CHIC2: variants seen among roughly 807,000 people sequenced by gnomAD.
CHIC2 encodes the protein cysteine-rich hydrophobic domain-containing protein 2.
A neutral mutation model predicts 25.9 loss-of-function variants in CHIC2; 14 were observed. That is an observed-to-expected ratio of 0.54 (90% CI 0.36 to 0.85). The LOEUF (loss-of-function observed/expected upper bound fraction) is 0.85. Among genes scored for constraint, CHIC2 ranks in the 40% least tolerant of loss-of-function variants. CHIC2 has a pLI of 0.01. For synonymous variants in CHIC2, 70 were observed against 72.0 expected (o/e 0.97, Z 0.14); for missense variants, 146 against 202.0 (o/e 0.72, Z 1.68).
intron 1 of CHIC2, chr4:54,061,178 A>T (rs1413014294): frequency 6.6e-6 from 1 of 152,168 alleles, no homozygotes; most frequent in Non-Finnish European, 1.5e-5. Flanking sequence ...GACTTTAGGC[A>T]AATTAAACAT....
the CHIC2 span, among the ~76,000 whole-genome samples, chr4:54,071,882 A>G: frequency 6.6e-6 from 1 of 152,192 alleles, no homozygotes; most frequent in Non-Finnish European, 1.5e-5. Flanking sequence ...CCATGTGTAC[A>G]CATTTGGTTC....
chr4:54,089,456 C>CA, the CHIC2 span, among the ~76,000 whole-genome samples: 1 of 150,262 alleles, frequency 6.7e-6, no homozygotes, highest in South Asian at 2.1e-4. Context: ...ATCAAAATAT[C>CA]AAAAAATGTT....
intron 3 of CHIC2, among the ~76,000 whole-genome samples, chr4:54,017,678 A>T (rs1006808750): frequency 1.3e-5 from 2 of 152,194 alleles, no homozygotes; most frequent in African/African-American, 2.4e-5. Flanking sequence ...GACCAAGACC[A>T]CCAACTCACA....
the CHIC2 span, among the ~76,000 whole-genome samples, chr4:54,090,465 A>G: frequency 6.6e-6 from 1 of 152,208 alleles, no homozygotes; most frequent in South Asian, 2.1e-4. Context: ...GATTATTGAC[A>G]TGAGCCACCA....
the CHIC2 span, among the ~76,000 whole-genome samples, chr4:54,089,392 C>CAT: frequency 0.12 from 18,110 of 144,972 alleles, 1,084 homozygotes; most frequent in Non-Finnish European, 0.15. Context: ...CACCACATTC[C>CAT]ATATATATAT....
the CHIC2 span, among the ~76,000 whole-genome samples, chr4:54,069,623 C>T: frequency 6.6e-6 from 1 of 152,208 alleles, no homozygotes. Flanking sequence ...GATCAGCTCT[C>T]ATCCTGAAGC....
intron 1 of CHIC2, among the ~76,000 whole-genome samples, chr4:54,058,514 A>G (rs979089785): frequency 3.3e-5 from 5 of 150,928 alleles, no homozygotes; most frequent in Admixed American, 1.3e-4. Flanking sequence ...TTCCAGACCC[A>G]ATATTCTGAT....
chr4:54,016,794 A>T (rs1243819394), intron 3 of CHIC2, among the ~76,000 whole-genome samples: 1 of 152,028 alleles, frequency 6.6e-6, no homozygotes, highest in East Asian at 1.9e-4. Flanking sequence ...TGAGTGGAAC[A>T]TTTCTAGCAC....
At chr4:54,059,684 T>A (rs1717274357) in intron 1 of CHIC2, 1 of 152,222 alleles carries the variant, frequency 6.6e-6, no homozygotes, top group South Asian at 2.1e-4. Context: ...TGATAAGTAT[T>A]CTATTATAGA....
intron 3 of CHIC2, among the ~76,000 whole-genome samples, chr4:54,041,889 T>C (rs796578552): frequency 5.3e-5 from 8 of 152,038 alleles, no homozygotes; most frequent in African/African-American, 1.9e-4. Flanking sequence ...GGGATAGCAT[T>C]AGGAGAAATG....
the CHIC2 span, among the ~76,000 whole-genome samples, chr4:54,080,024 TCTCAAA>T: frequency 2.0e-5 from 3 of 151,630 alleles, no homozygotes; most frequent in Admixed American, 6.6e-5. Flanking sequence ...GAAATCGGTA[TCTCAAA>T]GAGATATCTG....
chr4:54,022,615 C>T (rs1261606075), intron 3 of CHIC2, among the ~76,000 whole-genome samples: 1 of 152,102 alleles, frequency 6.6e-6, no homozygotes, highest in African/African-American at 2.4e-5. Context: ...TCCTAAGCTA[C>T]AGCCACACCT....
chr4:54,031,337 T>A (rs959852464), intron 3 of CHIC2, among the ~76,000 whole-genome samples: 2 of 152,056 alleles, frequency 1.3e-5, no homozygotes, highest in African/African-American at 4.8e-5. Flanking sequence ...CTTCTATTTA[T>A]CAGGGAATCT....
chr4:54,047,115 G>A (rs1487386865), intron 3 of CHIC2, among the ~76,000 whole-genome samples: 1 of 152,182 alleles, frequency 6.6e-6, no homozygotes, highest in Admixed American at 6.5e-5. Context: ...TCTCACACCA[G>A]TTAGAATGGC....
upstream of CHIC2, among the ~76,000 whole-genome samples, chr4:54,067,476 A>G (rs1317118719): frequency 1.3e-5 from 2 of 151,934 alleles, no homozygotes; most frequent in Non-Finnish European, 2.9e-5. Context: ...CGCCCTGCCA[A>G]CCTTCCAAGA....
At chr4:54,080,598 T>C in the CHIC2 span, among the ~76,000 whole-genome samples, 1 of 151,838 alleles carries the variant, frequency 6.6e-6, no homozygotes, top group Non-Finnish European at 1.5e-5. Context: ...AAACCCCATC[T>C]CTACTAAAAT....
chr4:54,031,634 T>G (rs1716231672), intron 3 of CHIC2, among the ~76,000 whole-genome samples: 1 of 145,218 alleles, frequency 6.9e-6, no homozygotes, highest in Admixed American at 6.9e-5. Context: ...TTTTTTTTTT[T>G]GTGAGACAGA....
At chr4:54,063,921 G>A (rs543235022) in intron 1 of CHIC2, among the ~76,000 whole-genome samples, 23 of 152,340 alleles carry the variant, frequency 1.5e-4, no homozygotes, top group Non-Finnish European at 2.8e-4. Flanking sequence ...AGACCCTAAT[G>A]AAAACCCGTG....
chr4:54,036,826 C>CA (rs34627603), intron 3 of CHIC2, among the ~76,000 whole-genome samples: 59,132 of 150,506 alleles, frequency 0.39, 12,648 homozygotes, highest in African/African-American at 0.55. Flanking sequence ...TAAACATACA[C>CA]TGACATATGA....
Sources: gnomAD v4.1 joint callset for allele counts (sites outside exome capture counted in the v4.1 genomes callset) on GRCh38, gnomAD v4.1.1 for gene constraint, MANE v1.5 for transcripts, NCBI Gene and HGNC (gene_info 2026-07-23, HGNC 2026-07-21) for gene names.